KCNV2: variants seen among roughly 807,000 people sequenced by gnomAD.
KCNV2 encodes potassium voltage-gated channel modifier subfamily V member 2, also known as potassium voltage-gated channel subfamily V member 2.
KCNV2 carries 65 observed loss-of-function variants against 37.0 expected under a neutral mutation model. The ratio of observed to expected loss-of-function variants is 1.76; its 90% CI spans 1.44 to 2.16. KCNV2 has a LOEUF of 2.16. Among genes scored for constraint, KCNV2 ranks in the 30% most tolerant of loss-of-function variants. The pLI is 0.00. For synonymous variants in KCNV2, 518 were observed against 328.6 expected, an observed-to-expected ratio of 1.58 and a Z score of -6.23; for missense variants, 1,232 against 766.7, an observed-to-expected ratio of 1.61 and a Z score of -7.17.
chr9:2,724,595 G>C (rs537060320), intron 1 of KCNV2, among the ~76,000 whole-genome samples: 67 of 152,352 alleles, frequency 4.4e-4, no homozygotes, highest in African/African-American at 1.6e-3. Flanking sequence ...AGAGTCCACA[G>C]GAGGGGCCTC....
At position 2,718,506 on chromosome 9, in the gene KCNV2, C is replaced by T. The variant is rs104894116; in HGVS notation, c.767C>T (p.Ser256Leu). ...LWNLMEKPFSSVAAKAIGVAS... is the reference protein window; with the variant it reads ...LWNLMEKPFSLVAAKAIGVAS... Reference sequence around the variant, plus strand: ...AACCTCATGGAGAAGCCATTCTCCTCGGTGGCCGCCAAGGCCATCGGGGTG... The same window carrying T: ...AACCTCATGGAGAAGCCATTCTCCTTGGTGGCCGCCAAGGCCATCGGGGTG... Residue 256 changes from serine (S) to leucine (L), a missense_variant, in exon 1 of 2, where the codon TCG becomes TTG. Transcript: ENST00000382082. The T allele has an allele frequency of 6.2e-7, 1 of 1,610,624 alleles. No homozygotes were observed.
chr9:2,728,915 G>A (rs1047134961), intron 1 of KCNV2, among the ~76,000 whole-genome samples: 4 of 151,616 alleles, frequency 2.6e-5, no homozygotes, highest in Non-Finnish European at 5.9e-5. Context: ...GAAAAAGAGA[G>A]AGAGAGAGTC....
At position 2,718,560 on chromosome 9, in the gene KCNV2, T is replaced by TG; in HGVS notation, c.823dup (p.Val275GlyfsTer97). 6.2e-7 allele frequency: 1 copy of TG among 1,612,488 alleles called. No homozygotes were observed. The highest frequency in any genetic ancestry group is 8.5e-7 in the Non-Finnish European group (1 of 1,179,654). On this transcript the variant is annotated frameshift_variant, in exon 1 of 2. Coordinates refer to ENST00000382082, the MANE Select transcript of KCNV2 (RefSeq NM_133497.4). LOFTEE classifies it high-confidence loss of function. Reference sequence around the variant, plus strand: ...TCCAGCACCTTCGTGCTCGTCTCCGTGGTGGCGCTGGCGCTCAACACCGTG... The same window carrying TG: ...TCCAGCACCTTCGTGCTCGTCTCCGTGGGTGGCGCTGGCGCTCAACACCGTG...
In KCNV2 at chr9:2,719,045, G is replaced by A; in HGVS notation, c.1306G>A (p.Val436Met). Reference sequence around the variant, plus strand: ...GGCTGTCTACTCTGTGGAGCACGATGTGCCCAGCACCAACTTCACTACCAT... The same window carrying A: ...GGCTGTCTACTCTGTGGAGCACGATATGCCCAGCACCAACTTCACTACCAT... ...SAAVYSVEHD[V>M]PSTNFTTIPH... The change falls in exon 1 of 2, where the codon GTG becomes ATG. Residue 436 changes from valine to methionine, a missense_variant. Val to Met is a conservative substitution (Grantham distance 21). Transcript: ENST00000382082. 6.2e-7 allele frequency: 1 copy of A among 1,612,702 alleles called. No homozygotes were observed. Among genetic ancestry groups the A allele is most frequent in the Non-Finnish European group, 8.5e-7 (1 of 1,180,032 alleles).
At chr9:2,719,241 G>A (rs185916266) in intron 1 of KCNV2, 146 bp downstream of exon 1, 7 of 824,516 alleles carry the variant, frequency 8.5e-6, no homozygotes, top group East Asian at 5.3e-5. Context: ...CTAACAAAAC[G>A]GCGATGGATG....
chr9:2,718,672 C>A lies in KCNV2; in HGVS notation c.933C>A (p.Gly311=), dbSNP rs898624331. 6.2e-6 allele frequency: 10 copies of A among 1,613,234 alleles called. No individual in the cohort carries two copies. The highest frequency in any genetic ancestry group is 5.0e-5 in the Admixed American group (3 of 60,008). Residue 311 remains glycine, a synonymous_variant, in exon 1 of 2, where the codon GGC becomes GGA. Coordinates refer to ENST00000382082, the MANE Select transcript of KCNV2 (RefSeq NM_133497.4). ...ILEHVEMLCM[G]FFTLEYLLRL... ...AGCACGTGGAGATGCTGTGCATGGGCTTCTTCACGCTCGAGTACCTGCTGC... is the reference window on the plus strand; with the variant it reads ...AGCACGTGGAGATGCTGTGCATGGGATTCTTCACGCTCGAGTACCTGCTGC...
chr9:2,719,246 T>C, intron 1 of KCNV2, 151 bp downstream of exon 1: 1 of 812,412 alleles, frequency 1.2e-6, no homozygotes. Flanking sequence ...AAAACGGCGA[T>C]GGATGTCAAA....
In KCNV2 at chr9:2,717,757, G is replaced by A. The variant is rs1436024276; in HGVS notation, c.18G>A (p.Glu6=). MLKQS[E]RRRSWSYRPW... is the part of the protein sequence containing the mutation. ...CCGCAGCCATGCTCAAACAGAGTGA[G>A]AGGAGACGGTCCTGGAGCTACAGGC... is the stretch of plus-strand genomic sequence containing the variant. Residue 6 remains glutamate (E), a synonymous_variant, in exon 1 of 2, where the codon GAG becomes GAA. Transcript: ENST00000382082. 7 of 1,614,130 alleles carry A rather than the reference G, an allele frequency of 4.3e-6. No individual in the cohort carries two copies. The highest frequency in any genetic ancestry group is 5.9e-6 in the Non-Finnish European group (7 of 1,180,044).
At position 2,718,697 on chromosome 9, in the gene KCNV2, C is replaced by T. The variant is rs754275640; in HGVS notation, c.958C>T (p.Arg320Cys). The change falls in exon 1 of 2, where the codon CGC (arginine) becomes TGC (cysteine). Residue 320 changes from arginine (R) to cysteine (C), a missense_variant. Coordinates refer to ENST00000382082, the MANE Select transcript of KCNV2 (RefSeq NM_133497.4). ...MGFFTLEYLL[R>C]LASTPDLRRF... is the part of the protein sequence containing the mutation. ...CTTCTTCACGCTCGAGTACCTGCTG[C>T]GCCTAGCCTCCACGCCCGACCTGAG... 1.1e-5 allele frequency: 18 copies of T among 1,613,064 alleles called. No homozygotes were observed. The South Asian group carries it at 1.5e-4, about 14-fold the overall frequency.
chr9:2,718,675 C>T lies in KCNV2; in HGVS notation c.936C>T (p.Phe312=), dbSNP rs1006319872. The change falls in exon 1 of 2, where the codon TTC becomes TTT. Residue 312 remains phenylalanine (F), a synonymous_variant. Transcript: ENST00000382082. ...ACGTGGAGATGCTGTGCATGGGCTTCTTCACGCTCGAGTACCTGCTGCGCC... is the reference window on the plus strand; with the variant it reads ...ACGTGGAGATGCTGTGCATGGGCTTTTTCACGCTCGAGTACCTGCTGCGCC... ...LEHVEMLCMG[F]FTLEYLLRLA... 2 of 1,613,388 alleles carry T rather than the reference C, an allele frequency of 1.2e-6. No homozygotes were observed. The highest frequency in any genetic ancestry group is 1.3e-5 in the African/African-American group (1 of 75,060).
rs576345571 is a variant in KCNV2 at position 2,718,379 on chromosome 9, C to T, written c.640C>T (p.Leu214Phe). Residue 214 changes from leucine to phenylalanine, a missense_variant, in exon 1 of 2, where the codon CTC becomes TTC. Coordinates refer to ENST00000382082, the MANE Select transcript of KCNV2 (RefSeq NM_133497.4). The stretch of plus-strand genomic sequence containing the variant: ...GCGGCGCGACGAGCTGAGCGAACGG[C>T]TCAAGATCCAGCACGAGCTGCGCGC... ...EERRDELSER[L>F]KIQHELRAQA... The T allele has an allele frequency of 1.2e-6, 2 of 1,600,770 alleles. No homozygotes were observed. The highest frequency in any genetic ancestry group is 2.7e-5 in the African/African-American group (2 of 74,838).
rs770113041 is a variant in KCNV2, at chr9:2,729,615, C to T, written c.1526C>T (p.Thr509Ile). 3.7e-6 allele frequency: 6 copies of T among 1,613,938 alleles called. 1 individual carries two copies. In the South Asian group the frequency reaches 4.4e-5, roughly 12 times the overall value. Residue 509 changes from threonine (T) to isoleucine (I), a missense_variant, in exon 2 of 2, where the codon ACC (threonine) becomes ATC (isoleucine). Coordinates refer to ENST00000382082, the MANE Select transcript of KCNV2 (RefSeq NM_133497.4). ...YYSKLKAYEY[T>I]TIRRERGEVN... ...AGCAAGCTGAAGGCTTATGAGTATA[C>T]CACCATACGCAGGGAGAGGGGAGAG...
At chr9:2,725,032 TTA>T (rs1303087646) in intron 1 of KCNV2, among the ~76,000 whole-genome samples, 1 of 152,162 alleles carries the variant, frequency 6.6e-6, no homozygotes, top group Non-Finnish European at 1.5e-5. Context: ...TGGTCTCCTT[TTA>T]TGTCTTTAAA....
rs765096925 is a variant in KCNV2, at chr9:2,718,075, C to T, written c.336C>T (p.Tyr112=). 4 of 1,603,432 alleles carry T rather than the reference C, an allele frequency of 2.5e-6. No individual in the cohort carries two copies. The highest frequency in any genetic ancestry group is 4.5e-5 in the East Asian group (2 of 44,530). Residue 112 remains tyrosine, a synonymous_variant, in exon 1 of 2, where the codon TAC becomes TAT. Transcript: ENST00000382082. Reference sequence around the variant, plus strand: ...GTGGCCACAGCTACCAGCTGGACTACTGCGAGCTGGCCGGCTTCCCCAAGA... The same window carrying T: ...GTGGCCACAGCTACCAGCTGGACTATTGCGAGCTGGCCGGCTTCCCCAAGA... The part of the protein sequence containing the change: ...NVGGHSYQLD[Y]CELAGFPKTR...
rs745697896 is a variant in KCNV2, at chr9:2,718,715, G to T, written c.976G>T (p.Asp326Tyr). 24 of 1,612,822 alleles carry T rather than the reference G, an allele frequency of 1.5e-5. No homozygotes were observed. The highest frequency in any genetic ancestry group is 1.9e-5 in the Non-Finnish European group (22 of 1,179,846). The change falls in exon 1 of 2, where the codon GAC (aspartate) becomes TAC (tyrosine). Residue 326 changes from aspartate (D) to tyrosine (Y), a missense_variant. Asp to Tyr is a radical substitution (Grantham distance 160, BLOSUM62 -3). Transcript: ENST00000382082. ...EYLLRLASTP[D>Y]LRRFARSALN... The stretch of plus-strand genomic sequence containing the variant: ...CCTGCTGCGCCTAGCCTCCACGCCC[G>T]ACCTGAGGCGCTTCGCGCGCAGCGC...
At chr9:2,724,044 G>A (rs989054295) in intron 1 of KCNV2, among the ~76,000 whole-genome samples, 1 of 150,948 alleles carries the variant, frequency 6.6e-6, no homozygotes, top group Non-Finnish European at 1.5e-5. Context: ...GGGGTGGAGG[G>A]CATGGGTATG....
intron 1 of KCNV2, 92 bp from the exon 2 acceptor site, chr9:2,729,354 C>A: frequency 7.0e-7 from 1 of 1,418,970 alleles, no homozygotes. Context: ...TGTGTACCCA[C>A]AGGGAGGACG....
rs113638783 is a variant in KCNV2, at chr9:2,725,171, T to G, written c.1357-4275T>G. Among the ~76,000 whole-genome samples, 53 of 152,268 alleles carry G rather than the reference T, an allele frequency of 3.5e-4. 1 individual carries two copies. Among genetic ancestry groups the G allele is most frequent in the African/African-American group, 1.3e-3 (52 of 41,560 alleles). On this transcript the variant is annotated intron_variant, in intron 1 of 1. Coordinates refer to ENST00000382082, the MANE Select transcript of KCNV2 (RefSeq NM_133497.4). ...ATTGCGCACCTTTCTGTGGATAGAT[T>G]AATAGATCTCAAACTTACATTTGTG...
rs1053887975 is a variant in KCNV2 at position 2,729,714 on chromosome 9, G to A, written c.1625G>A (p.Arg542Lys). ...LLGSNPQLTP[R>K]QEN Reference sequence around the variant, plus strand: ...GGAAGCAACCCACAGCTCACCCCAAGACAAGAGAATTAGTATTTTATAGGA... The same window carrying A: ...GGAAGCAACCCACAGCTCACCCCAAAACAAGAGAATTAGTATTTTATAGGA... The change falls in exon 2 of 2, where the codon AGA becomes AAA. Residue 542 changes from arginine to lysine, a missense_variant. Physicochemically the swap from Arg to Lys is conservative, Grantham distance 26 (BLOSUM62 2). Transcript: ENST00000382082. 1.4e-5 allele frequency: 22 copies of A among 1,613,950 alleles called. No homozygotes were observed. The highest frequency in any genetic ancestry group is 1.8e-5 in the Non-Finnish European group (21 of 1,179,972).
Sources: allele counts gnomAD v4.1 joint callset (sites outside exome capture counted in the v4.1 genomes callset), GRCh38; gene constraint gnomAD v4.1.1; transcripts MANE v1.5; gene names NCBI Gene and HGNC (gene_info 2026-07-23, HGNC 2026-07-21).